Variants in AGBL1 observed in about 807,000 individuals in gnomAD.
The protein encoded by AGBL1 is AGBL carboxypeptidase 1.
Under a neutral mutation model 118.9 loss-of-function variants are expected in AGBL1, and 130 were observed. That is an observed-to-expected ratio of 1.09 (90% CI 0.95 to 1.26). The LOEUF is 1.26. Among genes scored for constraint, AGBL1 ranks in the 50% most tolerant of loss-of-function variants. AGBL1 has a pLI of 0.00. For missense variants in AGBL1, 1,584 were observed against 1,298.1 expected (o/e 1.22, Z -3.38); for synonymous variants, 555 against 478.9 (o/e 1.16, Z -2.08).
chr15:86,106,656 C>T (rs546867162), intron 1 of AGBL1, among the ~76,000 whole-genome samples: 1 of 152,306 alleles, frequency 6.6e-6, no homozygotes, highest in African/African-American at 2.4e-5. Context: ...GTCAACAGTG[C>T]CAAAGTTGAG....
chr15:86,626,217 T>C (rs1567089715), intron 21 of AGBL1, among the ~76,000 whole-genome samples: 1 of 152,210 alleles, frequency 6.6e-6, no homozygotes, highest in Non-Finnish European at 1.5e-5. Flanking sequence ...CGTGTGTTCA[T>C]TGCAGCACTA....
At chr15:86,650,454 T>G (rs936808001) in intron 21 of AGBL1, among the ~76,000 whole-genome samples, 3 of 152,160 alleles carry the variant, frequency 2.0e-5, no homozygotes, top group African/African-American at 7.2e-5. Context: ...AAAAATAACT[T>G]CTTTTATAAG....
At chr15:86,574,191 G>T (rs1349195511) in intron 21 of AGBL1, among the ~76,000 whole-genome samples, 1 of 152,186 alleles carries the variant, frequency 6.6e-6, no homozygotes, top group Non-Finnish European at 1.5e-5. Context: ...GAAAAGGAAG[G>T]CGAGAGCATT....
intron 18 of AGBL1, among the ~76,000 whole-genome samples, chr15:86,516,294 T>C (rs2083120002): frequency 6.6e-6 from 1 of 152,232 alleles, no homozygotes; most frequent in African/African-American, 2.4e-5. Context: ...TTTGTAGCTA[T>C]CTTATTTGGT....
At chr15:86,900,588 CTT>C (rs2080197741) in intron 22 of AGBL1, among the ~76,000 whole-genome samples, 1 of 151,414 alleles carries the variant, frequency 6.6e-6, no homozygotes, top group Non-Finnish European at 1.5e-5. Context: ...TTTTTTTGGA[CTT>C]TTATTTTTTG....
At chr15:86,869,351 G>T (rs1022058402) in intron 22 of AGBL1, among the ~76,000 whole-genome samples, 1 of 152,068 alleles carries the variant, frequency 6.6e-6, no homozygotes, top group Non-Finnish European at 1.5e-5. Flanking sequence ...GAATCCAGCT[G>T]CAGGTCTCTC....
At position 86,791,856 on chromosome 15, in the gene AGBL1, C is replaced by A. The variant is rs544789995; in HGVS notation, c.3159-115231C>A. Among the ~76,000 whole-genome samples the A allele has an allele frequency of 9.9e-5, 15 of 151,920 alleles. No individual in the cohort carries two copies. In the East Asian group the frequency reaches 2.3e-3, roughly 24 times the overall value. ...GGTTCAAGCAATTCTCATGCCTTAG[C>A]CTCTGGAGTAGCTGGGATTAAAGGT... On this transcript the variant is annotated intron_variant, in intron 22 of 22. Coordinates refer to ENST00000614907, the MANE Select transcript of AGBL1 (RefSeq NM_001386094.1).
chr15:86,954,652 G>A (rs376018612), intron 23 of AGBL1, among the ~76,000 whole-genome samples: 3 of 152,204 alleles, frequency 2.0e-5, no homozygotes, highest in South Asian at 4.1e-4. Context: ...CTACTAGAAG[G>A]GGGGAAAGAA....
chr15:86,493,090 A>AG (rs1408355604), intron 18 of AGBL1, among the ~76,000 whole-genome samples: 4 of 152,104 alleles, frequency 2.6e-5, no homozygotes, highest in Admixed American at 2.6e-4. Flanking sequence ...GCTACTCAGG[A>AG]GGCTGAGGCA....
intron 23 of AGBL1, among the ~76,000 whole-genome samples, chr15:86,968,536 T>A (rs1423171049): frequency 6.6e-6 from 1 of 151,880 alleles, no homozygotes; most frequent in Non-Finnish European, 1.5e-5. Context: ...AAATTAAGAC[T>A]CTTGGAAGCA....
intron 1 of AGBL1, among the ~76,000 whole-genome samples, chr15:86,085,470 G>A (rs1895581565): frequency 6.6e-6 from 1 of 152,230 alleles, no homozygotes. Context: ...CTGCGTGTGA[G>A]TGGTGGAGTT....
At chr15:86,740,308 T>A (rs1015564460) in intron 22 of AGBL1, among the ~76,000 whole-genome samples, 5 of 152,212 alleles carry the variant, frequency 3.3e-5, no homozygotes, top group African/African-American at 1.2e-4. Flanking sequence ...TAGGTAACCA[T>A]TAACTGCTCT....
intron 22 of AGBL1, among the ~76,000 whole-genome samples, chr15:86,861,519 C>T (rs774830477): frequency 3.8e-4 from 58 of 152,294 alleles, no homozygotes; most frequent in Non-Finnish European, 6.9e-4. Flanking sequence ...TATCAACATT[C>T]AGAGCCTGGT....
chr15:86,488,443 G>C (rs2082738015), intron 18 of AGBL1, among the ~76,000 whole-genome samples: 1 of 152,004 alleles, frequency 6.6e-6, no homozygotes, highest in Non-Finnish European at 1.5e-5. Flanking sequence ...GATTGAGCCA[G>C]GGAGATAGAT....
At chr15:86,351,719 A>T (rs1172260464) in intron 17 of AGBL1, among the ~76,000 whole-genome samples, 1 of 152,128 alleles carries the variant, frequency 6.6e-6, no homozygotes, top group African/African-American at 2.4e-5. Flanking sequence ...ATCAAATATA[A>T]AATATATTTC....
At chr15:86,855,569 TAAG>T (rs1202607660) in intron 22 of AGBL1, among the ~76,000 whole-genome samples, 2 of 152,156 alleles carry the variant, frequency 1.3e-5, no homozygotes, top group Non-Finnish European at 1.5e-5. Flanking sequence ...CCAGCCACAA[TAAG>T]AAGCAGGAAC....
chr15:86,775,728 C>T (rs1425842870), intron 22 of AGBL1, among the ~76,000 whole-genome samples: 1 of 151,986 alleles, frequency 6.6e-6, no homozygotes, highest in East Asian at 1.9e-4. Context: ...AGATTTTTTC[C>T]AAGCTATTAC....
intron 23 of AGBL1, among the ~76,000 whole-genome samples, chr15:86,978,428 A>C (rs1276660656): frequency 6.6e-6 from 1 of 152,242 alleles, no homozygotes; most frequent in Admixed American, 6.5e-5. Flanking sequence ...ACGAAGATTT[A>C]GACAAATAGC....
intron 1 of AGBL1, among the ~76,000 whole-genome samples, chr15:86,109,113 A>G (rs184550078): frequency 3.5e-4 from 54 of 152,352 alleles, no homozygotes; most frequent in African/African-American, 1.3e-3. Flanking sequence ...AGGAGTTAGT[A>G]TATCTACTAC....
Sources: allele counts gnomAD v4.1 joint callset (sites outside exome capture counted in the v4.1 genomes callset), GRCh38; gene constraint gnomAD v4.1.1; transcripts MANE v1.5; gene names NCBI Gene and HGNC (gene_info 2026-07-23, HGNC 2026-07-21).